VPS41: variants seen among roughly 807,000 people sequenced by gnomAD.
VPS41 encodes vacuolar protein sorting-associated protein 41 homolog.
Under a neutral mutation model 130.9 loss-of-function variants are expected in VPS41, and 85 were observed. That is an observed-to-expected ratio of 0.65 (90% CI 0.55 to 0.78). The LOEUF (loss-of-function observed/expected upper bound fraction) is 0.78. Among genes scored for constraint, VPS41 ranks in the 30% least tolerant of loss-of-function variants. The pLI is 0.00. For missense variants in VPS41, 874 were observed against 1,018.7 expected (o/e 0.86, Z 1.93); for synonymous variants, 335 against 332.9 (o/e 1.01, Z -0.07).
At chr7:38,901,263 G>A (rs1787133141) in intron 1 of VPS41, among the ~76,000 whole-genome samples, 1 of 152,222 alleles carries the variant, frequency 6.6e-6, no homozygotes, top group African/African-American at 2.4e-5. Context: ...ATGATTAAAA[G>A]TTCTAGAGAG....
intron 3 of VPS41, among the ~76,000 whole-genome samples, chr7:38,863,397 T>G (rs1395190301): frequency 6.6e-6 from 1 of 152,190 alleles, no homozygotes; most frequent in East Asian, 1.9e-4. Context: ...TTCTCTGTAT[T>G]TCATTGCATG....
intron 3 of VPS41, among the ~76,000 whole-genome samples, chr7:38,867,053 C>G (rs1786244838): frequency 6.6e-6 from 1 of 152,070 alleles, no homozygotes; most frequent in African/African-American, 2.4e-5. Flanking sequence ...TGAAAGAAAC[C>G]AAACACAAGA....
At chr7:38,859,732 C>T (rs570116920) in intron 4 of VPS41, among the ~76,000 whole-genome samples, 1 of 152,288 alleles carries the variant, frequency 6.6e-6, no homozygotes, top group Admixed American at 6.5e-5. Flanking sequence ...TCTCAGAATG[C>T]ATCCCACTGT....
chr7:38,738,963 C>T (rs1584365582), intron 25 of VPS41, among the ~76,000 whole-genome samples: 2 of 152,186 alleles, frequency 1.3e-5, no homozygotes, highest in South Asian at 2.1e-4. Flanking sequence ...TTTTAGAAAA[C>T]GTGAAACTAA....
chr7:38,764,824 A>C (rs532409170), intron 16 of VPS41, among the ~76,000 whole-genome samples: 1 of 152,186 alleles, frequency 6.6e-6, no homozygotes, highest in South Asian at 2.1e-4. Flanking sequence ...AGTATATACA[A>C]GGAGAAACGG....
At chr7:38,739,225 TG>T (rs1373417027) in intron 25 of VPS41, among the ~76,000 whole-genome samples, 1 of 152,174 alleles carries the variant, frequency 6.6e-6, no homozygotes, top group Non-Finnish European at 1.5e-5. Context: ...TGATAGCCCC[TG>T]GGGTTACTGT....
intron 16 of VPS41, among the ~76,000 whole-genome samples, chr7:38,764,607 C>T (rs888937285): frequency 5.3e-5 from 8 of 151,152 alleles, no homozygotes; most frequent in Admixed American, 1.3e-4. Context: ...AGAAGAGCCC[C>T]GATTGGTATT....
Position 38,776,529 on chromosome 7 carries a change from G to A in VPS41, c.882+150C>T, listed in dbSNP as rs1178565456. On this transcript the variant is annotated intron_variant, in intron 11 of 28. Transcript: ENST00000310301. ...GAGTTTCCGGAAAGTAAATATGTCA[G>A]GTCTAAAGGGTAATCTCTGCCAACC... The A allele has an allele frequency of 9.9e-6, 5 of 506,350 alleles. No individual in the cohort carries two copies. In the Admixed American group the frequency reaches 1.5e-4, roughly 15 times the overall value. 31.4% of individuals were successfully genotyped at this position (506,350 alleles called of 1,614,324 possible).
In VPS41 at chr7:38,897,631, C is replaced by T. The variant is rs745681073; in HGVS notation, c.60+460G>A. On this transcript the variant is annotated intron_variant, in intron 2 of 28. Coordinates refer to ENST00000310301, the MANE Select transcript of VPS41 (RefSeq NM_014396.4). ...CTACACTCCAGCCTGGGCAACAGAG[C>T]GAGACTCCGTCTCAAAAAAAAAAAA... Among the ~76,000 whole-genome samples, 11 of 131,280 alleles carry T rather than the reference C, an allele frequency of 8.4e-5. No individual in the cohort carries two copies. In the East Asian group the frequency reaches 1.7e-3, roughly 21 times the overall value. The allele number at this position is 131,280 out of a possible 152,430, so 86.1% of individuals were successfully genotyped here.
intron 7 of VPS41, among the ~76,000 whole-genome samples, chr7:38,798,104 G>A (rs1784655374): frequency 6.6e-6 from 1 of 152,000 alleles, no homozygotes; most frequent in Non-Finnish European, 1.5e-5. Flanking sequence ...CTACTACCAT[G>A]CCTTCCTACC....
chr7:38,835,571 A>G (rs1714042032), intron 4 of VPS41, among the ~76,000 whole-genome samples: 1 of 151,988 alleles, frequency 6.6e-6, no homozygotes, highest in Non-Finnish European at 1.5e-5. Context: ...TGGTTTGTAT[A>G]ATATCTATTT....
rs775782813 is a variant in VPS41 at position 38,909,134 on chromosome 7, C to T, written c.21+20G>A. ...AGTCTCTATATCCCTGTGCCCTCAA[C>T]TACCACCTGCACCCTTTACCTGCTC... On this transcript the variant is annotated intron_variant, in intron 1 of 28. Coordinates refer to ENST00000310301, the MANE Select transcript of VPS41 (RefSeq NM_014396.4). 6.2e-7 allele frequency: 1 copy of T among 1,613,934 alleles called. No individual in the cohort carries two copies. Among genetic ancestry groups the T allele is most frequent in the Non-Finnish European group, 8.5e-7 (1 of 1,179,850 alleles).
chr7:38,772,709 C>T, intron 12 of VPS41, 72 bp from the exon 13 acceptor site: 1 of 1,036,830 alleles, frequency 9.6e-7, no homozygotes, highest in Non-Finnish European at 1.5e-6. Flanking sequence ...TTCAGAGGAC[C>T]TGGTTAGGTT....
At chr7:38,832,241 C>T (rs75574198) in intron 4 of VPS41, among the ~76,000 whole-genome samples, 4,240 of 150,972 alleles carry the variant, frequency 0.028, 87 homozygotes, top group Middle Eastern at 0.066. Context: ...ATACAGTCTC[C>T]TATTTTTTTG....
chr7:38,772,224 A>G (rs760660603), intron 13 of VPS41, among the ~76,000 whole-genome samples: 5 of 152,094 alleles, frequency 3.3e-5, no homozygotes, highest in Non-Finnish European at 7.4e-5. Context: ...CTGAAATACT[A>G]TCTCTAATTT....
intron 2 of VPS41, 108 bp downstream of exon 2, chr7:38,897,983 T>C (rs1787046601): frequency 2.0e-6 from 2 of 982,040 alleles, no homozygotes; most frequent in African/African-American, 1.6e-5. Context: ...CCTATCGCCC[T>C]GCTTTACACC....
intron 25 of VPS41, 61 bp downstream of exon 25, chr7:38,741,924 T>C: frequency 6.3e-7 from 1 of 1,580,036 alleles, no homozygotes; most frequent in Non-Finnish European, 8.6e-7. Context: ...ACCCTAGAAA[T>C]ATTTATCCAG....
chr7:38,793,236 T>C (rs2115966416), intron 9 of VPS41, among the ~76,000 whole-genome samples: 1 of 152,358 alleles, frequency 6.6e-6, no homozygotes, highest in Admixed American at 6.5e-5. Flanking sequence ...TCTGCAACAC[T>C]AGAACACTGC....
intron 10 of VPS41, 127 bp downstream of exon 10, chr7:38,789,674 G>T: frequency 1.2e-6 from 1 of 815,550 alleles, no homozygotes; most frequent in Non-Finnish European, 2.0e-6. Context: ...AGTGGAAGAA[G>T]ATAAACCAGT....
Sources: gnomAD v4.1 joint callset for allele counts (sites outside exome capture counted in the v4.1 genomes callset) on GRCh38, gnomAD v4.1.1 for gene constraint, MANE v1.5 for transcripts, NCBI Gene and HGNC (gene_info 2026-07-23, HGNC 2026-07-21) for gene names.